The following STX8 variants were observed in gnomAD, a reference collection of about 807,000 sequenced individuals.
STX8 encodes the protein syntaxin 8, also known as syntaxin-8.
A neutral mutation model predicts 37.5 loss-of-function variants in STX8; 23 were observed. The ratio of observed to expected loss-of-function variants is 0.61; its 90% CI spans 0.44 to 0.87. STX8 has a LOEUF of 0.87. Among genes scored for constraint, STX8 ranks in the 40% least tolerant of loss-of-function variants. STX8 has a pLI of 0.00. For missense variants in STX8, 313 were observed against 284.7 expected (o/e 1.10, Z -0.71); for synonymous variants, 115 against 99.1 (o/e 1.16, Z -0.95).
chr17:9,276,104 T>G lies in STX8; in HGVS notation c.644-25459A>C, dbSNP rs76968451. ...GTGGCTGCGGTTTCTATCTACCCCC[T>G]GATCCCACCCATCAAGCCATAGGGC... On this transcript the variant is annotated intron_variant, in intron 7 of 7. Coordinates refer to ENST00000306357, the MANE Select transcript of STX8 (RefSeq NM_004853.3). Among the ~76,000 whole-genome samples the G allele has an allele frequency of 7.0e-5, 3 of 42,864 alleles. No homozygotes were observed. The Middle Eastern group carries it at 0.043, about 612-fold the overall frequency. 28.1% of individuals were successfully genotyped at this position (42,864 alleles called of 152,430 possible).
chr17:9,416,115 T>C (rs1348466994), intron 6 of STX8, among the ~76,000 whole-genome samples: 25 of 152,240 alleles, frequency 1.6e-4, no homozygotes. Context: ...AGGTTTCCTG[T>C]TACCTTACAC....
At chr17:9,492,027 G>GC (rs1388832804) in intron 5 of STX8, 106 bp from the exon 6 acceptor site, 3 of 684,042 alleles carry the variant, frequency 4.4e-6, no homozygotes, top group African/African-American at 1.8e-5. Flanking sequence ...AATCAGTCAG[G>GC]AAAAAAAAGA....
intron 2 of STX8, among the ~76,000 whole-genome samples, chr17:9,562,360 C>T (rs1440132409): frequency 6.6e-6 from 1 of 151,078 alleles, no homozygotes; most frequent in African/African-American, 2.4e-5. Context: ...GAGCCGAGAT[C>T]GCGCCACCGC....
At chr17:9,267,066 A>T (rs1907256268) in intron 7 of STX8, among the ~76,000 whole-genome samples, 1 of 152,148 alleles carries the variant, frequency 6.6e-6, no homozygotes, top group African/African-American at 2.4e-5. Flanking sequence ...ATGCGGCAAA[A>T]TGACAGAGTG....
intron 4 of STX8, among the ~76,000 whole-genome samples, chr17:9,515,888 T>C (rs768013812): frequency 6.6e-6 from 1 of 152,170 alleles, no homozygotes; most frequent in Non-Finnish European, 1.5e-5. Context: ...ATTTCTTCTC[T>C]ATAATAATTA....
chr17:9,567,538 A>G (rs1907507888), intron 2 of STX8, among the ~76,000 whole-genome samples: 2 of 152,214 alleles, frequency 1.3e-5, no homozygotes, highest in South Asian at 4.1e-4. Flanking sequence ...AATGTGGAAA[A>G]TAAGGAAGAA....
At chr17:9,497,877 A>G (rs1490796502) in intron 5 of STX8, among the ~76,000 whole-genome samples, 1 of 152,212 alleles carries the variant, frequency 6.6e-6, no homozygotes, top group Non-Finnish European at 1.5e-5. Flanking sequence ...ATGAATGACC[A>G]CAGAGGGAGG....
chr17:9,497,163 A>G (rs964730822), intron 5 of STX8, among the ~76,000 whole-genome samples: 3 of 152,182 alleles, frequency 2.0e-5, no homozygotes, highest in Non-Finnish European at 2.9e-5. Context: ...ACTGCATAGA[A>G]GAAAAAGGAA....
chr17:9,559,760 A>ATTTTTTTTTTTTTTTTT (rs60856219), intron 2 of STX8, among the ~76,000 whole-genome samples: 1 of 24,496 alleles, frequency 4.1e-5, no homozygotes, highest in African/African-American at 1.9e-4. Context: ...ATATATATAT[A>ATTTTTTTTTTTTTTTTT]TTTTTTTTTT....
chr17:9,550,873 G>A (rs1327763503), intron 3 of STX8, among the ~76,000 whole-genome samples: 1 of 152,176 alleles, frequency 6.6e-6, no homozygotes, highest in East Asian at 1.9e-4. Context: ...TCAGGAGTTT[G>A]AGACCAGCCT....
At chr17:9,561,861 T>C (rs1039095542) in intron 2 of STX8, among the ~76,000 whole-genome samples, 6 of 151,990 alleles carry the variant, frequency 3.9e-5, no homozygotes, top group Non-Finnish European at 7.4e-5. Flanking sequence ...AAAGTCTACA[T>C]TGAAGAATTT....
intron 7 of STX8, among the ~76,000 whole-genome samples, chr17:9,333,457 G>C (rs920646122): frequency 1.3e-5 from 2 of 151,948 alleles, no homozygotes; most frequent in Non-Finnish European, 2.9e-5. Flanking sequence ...GCATGATCTC[G>C]GCTCACTGCA....
chr17:9,361,067 A>T (rs1178540927), intron 7 of STX8, among the ~76,000 whole-genome samples: 2 of 152,314 alleles, frequency 1.3e-5, no homozygotes, highest in East Asian at 3.9e-4. Context: ...TATTCTAAGG[A>T]ATTTAACGCT....
intron 6 of STX8, among the ~76,000 whole-genome samples, chr17:9,390,203 A>G (rs1912163207): frequency 6.6e-6 from 1 of 152,090 alleles, no homozygotes; most frequent in Non-Finnish European, 1.5e-5. Flanking sequence ...ACCATAAACC[A>G]TGGTCTCTCA....
chr17:9,419,077 T>C (rs1345254164), intron 6 of STX8, among the ~76,000 whole-genome samples: 1 of 151,410 alleles, frequency 6.6e-6, no homozygotes, highest in African/African-American at 2.4e-5. Flanking sequence ...ACCTGTGCCA[T>C]CATCCCTAAT....
At chr17:9,290,019 G>T (rs964062555) in intron 7 of STX8, among the ~76,000 whole-genome samples, 6 of 152,138 alleles carry the variant, frequency 3.9e-5, no homozygotes, top group Admixed American at 2.6e-4. Context: ...GACAATGAAA[G>T]AACTAATCAT....
At chr17:9,475,149 C>CA (rs552733112) in intron 6 of STX8, among the ~76,000 whole-genome samples, 89 of 152,260 alleles carry the variant, frequency 5.8e-4, no homozygotes, top group African/African-American at 2.1e-3. Flanking sequence ...CCAAAGAGCA[C>CA]AATGAAATGG....
chr17:9,324,859 G>A (rs951739892), intron 7 of STX8, among the ~76,000 whole-genome samples: 1 of 151,550 alleles, frequency 6.6e-6, no homozygotes, highest in African/African-American at 2.4e-5. Flanking sequence ...ACAGGGATAC[G>A]AATGGTCCCT....
At chr17:9,445,840 C>CT (rs59109965) in intron 6 of STX8, among the ~76,000 whole-genome samples, 29,729 of 130,430 alleles carry the variant, frequency 0.23, 4,753 homozygotes, top group East Asian at 0.58. Flanking sequence ...CTTTTTTTCT[C>CT]TTTTTTTTTT....
Sources: gnomAD v4.1 joint callset for allele counts (sites outside exome capture counted in the v4.1 genomes callset) on GRCh38, gnomAD v4.1.1 for gene constraint, MANE v1.5 for transcripts, NCBI Gene and HGNC (gene_info 2026-07-23, HGNC 2026-07-21) for gene names.